Variants in DACH1 observed in about 807,000 individuals in gnomAD.
The protein encoded by DACH1 is dachshund family transcription factor 1, also known as dachshund homolog 1.
Under a neutral mutation model 54.2 loss-of-function variants are expected in DACH1, and 12 were observed. The ratio of observed to expected loss-of-function variants is 0.22; its 90% CI spans 0.14 to 0.36. DACH1 has a LOEUF of 0.36. Among genes scored for constraint, DACH1 ranks in the 10% least tolerant of loss-of-function variants. DACH1 has a pLI of 1.00. For synonymous variants in DACH1, 386 were observed against 366.2 expected (o/e 1.05, Z -0.62); for missense variants, 805 against 929.8 (o/e 0.87, Z 1.75).
intron 5 of DACH1, among the ~76,000 whole-genome samples, chr13:71,558,979 T>A (rs1337238451): frequency 6.6e-6 from 1 of 152,078 alleles, no homozygotes; most frequent in Non-Finnish European, 1.5e-5. Flanking sequence ...ATGAAGTGTA[T>A]GCTATAAACA....
intron 5 of DACH1, among the ~76,000 whole-genome samples, chr13:71,557,842 TAAAAA>T (rs569104411): frequency 1.1e-5 from 1 of 88,004 alleles, no homozygotes; most frequent in Non-Finnish European, 2.4e-5. Context: ...TGGCCTGTAC[TAAAAA>T]AAAAAAAAAA....
intron 6 of DACH1, among the ~76,000 whole-genome samples, chr13:71,526,536 C>T (rs541565464): frequency 6.6e-6 from 1 of 152,006 alleles, no homozygotes; most frequent in East Asian, 1.9e-4. Flanking sequence ...AATAATAGTG[C>T]CTACTTCCAA....
chr13:71,674,864 AG>A (rs1165191190), intron 2 of DACH1, among the ~76,000 whole-genome samples: 2 of 152,200 alleles, frequency 1.3e-5, no homozygotes, highest in Non-Finnish European at 2.9e-5. Flanking sequence ...AAGTAGTTAT[AG>A]GTTAAATGTG....
chr13:71,588,229 A>T (rs964295394), intron 3 of DACH1, among the ~76,000 whole-genome samples: 1 of 152,094 alleles, frequency 6.6e-6, no homozygotes, highest in Non-Finnish European at 1.5e-5. Flanking sequence ...TTATCACAGG[A>T]CATAGTTGCT....
intron 1 of DACH1, among the ~76,000 whole-genome samples, chr13:71,821,906 C>T (rs1888203155): frequency 6.6e-6 from 1 of 151,934 alleles, no homozygotes; most frequent in Non-Finnish European, 1.5e-5. Flanking sequence ...ACTAAAAATA[C>T]AAAAATTATC....
intron 3 of DACH1, among the ~76,000 whole-genome samples, chr13:71,581,649 T>G (rs1473755203): frequency 6.6e-6 from 1 of 152,200 alleles, no homozygotes. Context: ...ACTTAGTAAC[T>G]ATTGAGATAT....
At chr13:71,741,540 G>A (rs1430059273) in intron 1 of DACH1, among the ~76,000 whole-genome samples, 1 of 151,988 alleles carries the variant, frequency 6.6e-6, no homozygotes, top group Non-Finnish European at 1.5e-5. Context: ...TTATTTTTCT[G>A]TTGAAGACAA....
At chr13:71,526,485 T>C (rs565173882) in intron 6 of DACH1, among the ~76,000 whole-genome samples, 3 of 152,162 alleles carry the variant, frequency 2.0e-5, no homozygotes, top group South Asian at 4.1e-4. Flanking sequence ...ACTACAAATA[T>C]CTTCTGGTAT....
At position 71,651,680 on chromosome 13, in the gene DACH1, CTGTATATGTATATGTATATGTATA is replaced by C. The variant is rs57138100; in HGVS notation, c.965-20987_965-20964del. ...TATGTATCTGTATCTGTATCTGTAT[CTGTATATGTATATGTATATGTATA>C]TGTATATGTATATGTATATGTGTGT... On this transcript the variant is annotated intron_variant, in intron 2 of 10. Coordinates refer to ENST00000613252, the MANE Select transcript of DACH1 (RefSeq NM_080759.6). Among the ~76,000 whole-genome samples, 34 of 121,846 alleles carry C rather than the reference CTGTATATGTATATGTATATGTATA, an allele frequency of 2.8e-4. No homozygotes were observed. The Middle Eastern group carries it at 0.024, about 86-fold the overall frequency. The allele number at this position is 121,846 out of a possible 152,430, so 79.9% of individuals were successfully genotyped here.
chr13:71,764,103 C>G (rs1351996766), intron 1 of DACH1, among the ~76,000 whole-genome samples: 1 of 152,086 alleles, frequency 6.6e-6, no homozygotes, highest in Non-Finnish European at 1.5e-5. Context: ...TAAATAATAA[C>G]AATAATTATT....
chr13:71,779,148 CACATATATACGTATATACGTAT>C (rs1487676725), intron 1 of DACH1, among the ~76,000 whole-genome samples: 1,506 of 133,934 alleles, frequency 0.011, 23 homozygotes, highest in African/African-American at 0.033. Flanking sequence ...CACATATATA[CACATATATACGTATATACGTAT>C]ATATATACAC....
intron 6 of DACH1, among the ~76,000 whole-genome samples, chr13:71,520,034 A>G (rs113353073): frequency 0.014 from 2,135 of 150,644 alleles, 59 homozygotes; most frequent in African/African-American, 0.049. Context: ...TAAAATTTCC[A>G]TATATAAAAT....
At chr13:71,700,321 T>C (rs1315644168) in intron 1 of DACH1, among the ~76,000 whole-genome samples, 1 of 151,444 alleles carries the variant, frequency 6.6e-6, no homozygotes, top group East Asian at 1.9e-4. Flanking sequence ...ACTTTGGGAG[T>C]CCGAGTTGGG....
At chr13:71,448,824 G>GTT (rs11422735) in intron 10 of DACH1, among the ~76,000 whole-genome samples, 10,950 of 145,354 alleles carry the variant, frequency 0.075, 520 homozygotes, top group Middle Eastern at 0.15. Context: ...AGATTCTGTG[G>GTT]TTTTTTTTTT....
intron 1 of DACH1, among the ~76,000 whole-genome samples, chr13:71,736,691 G>C (rs1273792980): frequency 6.6e-6 from 1 of 152,074 alleles, no homozygotes; most frequent in Non-Finnish European, 1.5e-5. Flanking sequence ...TAACCCAGAA[G>C]TATAAAAACA....
Position 71,440,631 on chromosome 13 carries a change from A to G in DACH1, c.*24T>C, listed in dbSNP as rs751857329. ...TGACTGCAAAGTTCTTTTCTATAACATGGATTTCTTCAACAGGAAAGATTC... is the reference window on the plus strand; with the variant it reads ...TGACTGCAAAGTTCTTTTCTATAACGTGGATTTCTTCAACAGGAAAGATTC... On this transcript the variant is annotated 3_prime_UTR_variant, in exon 11 of 11. Coordinates refer to ENST00000613252, the MANE Select transcript of DACH1 (RefSeq NM_080759.6). 5 of 1,584,858 alleles carry G rather than the reference A, an allele frequency of 3.2e-6. No individual in the cohort carries two copies. The highest frequency in any genetic ancestry group is 1.8e-5 in the Admixed American group (1 of 55,610).
At chr13:71,659,638 A>G (rs745731852) in intron 2 of DACH1, among the ~76,000 whole-genome samples, 2 of 152,168 alleles carry the variant, frequency 1.3e-5, no homozygotes, top group Admixed American at 6.6e-5. Flanking sequence ...AAAGCACTCA[A>G]TTCAATTTAC....
At chr13:71,481,053 C>T (rs565088683) in intron 7 of DACH1, among the ~76,000 whole-genome samples, 1 of 152,288 alleles carries the variant, frequency 6.6e-6, no homozygotes, top group South Asian at 2.1e-4. Context: ...CAGGAACAAA[C>T]AATTAGTAAC....
At chr13:71,687,058 G>C (rs1348255856) in intron 1 of DACH1, among the ~76,000 whole-genome samples, 2 of 152,152 alleles carry the variant, frequency 1.3e-5, no homozygotes, top group African/African-American at 2.4e-5. Context: ...AAGCATTTAC[G>C]AGTGAAAGCA....
Sources: gnomAD v4.1 joint callset for allele counts (sites outside exome capture counted in the v4.1 genomes callset) on GRCh38, gnomAD v4.1.1 for gene constraint, MANE v1.5 for transcripts, NCBI Gene and HGNC (gene_info 2026-07-23, HGNC 2026-07-21) for gene names.